ERMP1: variants seen among roughly 807,000 people sequenced by gnomAD.
ERMP1 encodes endoplasmic reticulum metallopeptidase 1.
Under a neutral mutation model 92.0 loss-of-function variants are expected in ERMP1, and 86 were observed. The ratio of observed to expected loss-of-function variants is 0.93; its 90% CI spans 0.79 to 1.12. The LOEUF (loss-of-function observed/expected upper bound fraction) is 1.12. Among genes scored for constraint, ERMP1 ranks in the 50% most tolerant of loss-of-function variants. The pLI is 0.00. For missense variants in ERMP1, 1,342 were observed against 1,116.3 expected (o/e 1.20, Z -2.88); for synonymous variants, 530 against 412.8 (o/e 1.28, Z -3.44).
intron 6 of ERMP1, among the ~76,000 whole-genome samples, chr9:5,846,348 T>G (rs969616801): frequency 2.0e-5 from 3 of 152,130 alleles, no homozygotes; most frequent in African/African-American, 7.2e-5. Context: ...AAATCCTAGC[T>G]CTGCTACTAA....
At position 5,787,618 on chromosome 9, in the gene ERMP1, C is replaced by T. The variant is rs564559230; in HGVS notation, c.2387-25G>A. 8.2e-6 allele frequency: 13 copies of T among 1,591,176 alleles called. No individual in the cohort carries two copies. In the East Asian group the frequency reaches 2.9e-4, roughly 36 times the overall value. On this transcript the variant is annotated intron_variant, in intron 13 of 14. Transcript: ENST00000339450. ...CCTGTAAGGTAAAAGGAAGAAAGAA[C>T]AGTTAATCTTTTTAAAAGGATCAAA...
intron 13 of ERMP1, among the ~76,000 whole-genome samples, chr9:5,790,500 T>C (rs1828143754): frequency 6.6e-6 from 1 of 152,220 alleles, no homozygotes. Context: ...CAATTTCAAC[T>C]TGGCTTACAA....
intron 5 of ERMP1, among the ~76,000 whole-genome samples, chr9:5,865,128 G>C (rs1830613002): frequency 8.9e-6 from 1 of 112,474 alleles, no homozygotes; most frequent in Non-Finnish European, 1.8e-5. Flanking sequence ...CAGGACATAG[G>C]AAAATGTTCC....
At chr9:5,834,701 A>ATGTGTGTG (rs1461362378), upstream of ERMP1, among the ~76,000 whole-genome samples, 950 of 62,720 alleles carry the variant, frequency 0.015, 17 homozygotes, top group African/African-American at 0.032. Context: ...ATGTATGTAT[A>ATGTGTGTG]TATGTGTGTG....
In ERMP1 at chr9:5,832,622, G is replaced by A. The variant is rs540951700; in HGVS notation, c.338+68C>T. The A allele has an allele frequency of 5.6e-4, 703 of 1,248,032 alleles. 3 individuals carry two copies. In the Middle Eastern group the frequency reaches 9.2e-3, roughly 16 times the overall value. The allele number at this position is 1,248,032 out of a possible 1,614,324, so 77.3% of individuals were successfully genotyped here. A position where few individuals can be genotyped will look rare whatever the true frequency, so the allele number is the denominator to read the frequency against. On this transcript the variant is annotated intron_variant, in intron 1 of 14. Coordinates refer to ENST00000339450, the MANE Select transcript of ERMP1 (RefSeq NM_024896.3). The stretch of plus-strand genomic sequence containing the variant: ...GCAGGGGCGGGTGCACACAGGTGCG[G>A]TGCCCCGGAGCCTGCGCAGGAGCCG...
intron 6 of ERMP1, among the ~76,000 whole-genome samples, chr9:5,841,965 A>G (rs1481248643): frequency 6.6e-6 from 1 of 152,128 alleles, no homozygotes; most frequent in East Asian, 1.9e-4. Context: ...GCGCATCCGG[A>G]GTTGTTTTTT....
At chr9:5,810,265 A>AT in intron 7 of ERMP1, 34 bp from the exon 8 acceptor site, 5 of 1,505,332 alleles carry the variant, frequency 3.3e-6, no homozygotes, top group Non-Finnish European at 4.6e-6. Context: ...TGAAATCACC[A>AT]TCTTCATCAA....
chr9:5,790,734 A>G (rs1170779587), intron 13 of ERMP1, among the ~76,000 whole-genome samples: 2 of 152,250 alleles, frequency 1.3e-5, no homozygotes, highest in African/African-American at 2.4e-5. Flanking sequence ...GTGAATATCT[A>G]TGCATCAGAT....
chr9:5,846,990 C>G (rs1041575003), intron 6 of ERMP1, among the ~76,000 whole-genome samples: 1 of 152,124 alleles, frequency 6.6e-6, no homozygotes, highest in Non-Finnish European at 1.5e-5. Context: ...GGTGCGATGG[C>G]CTCCCCCAAC....
chr9:5,822,143 T>C (rs751044762), intron 4 of ERMP1, among the ~76,000 whole-genome samples: 1 of 152,072 alleles, frequency 6.6e-6, no homozygotes. Context: ...TCCCAGCTAC[T>C]TGGGAAGCTG....
intron 6 of ERMP1, among the ~76,000 whole-genome samples, chr9:5,857,544 T>C (rs1348783510): frequency 6.6e-6 from 1 of 152,254 alleles, no homozygotes; most frequent in Non-Finnish European, 1.5e-5. Flanking sequence ...GAGCATCTAC[T>C]ATACCTAGAC....
rs1189095794 is a variant in ERMP1, at chr9:5,786,180, T to C, written c.*964A>G. 1 of 152,182 alleles carries C rather than the reference T, an allele frequency of 6.6e-6. No individual in the cohort carries two copies. The highest frequency in any genetic ancestry group is 1.5e-5 in the Non-Finnish European group (1 of 68,038). The allele number at this position is 152,182 out of a possible 1,614,324, so 9.4% of individuals were successfully genotyped here. A position where few individuals can be genotyped will look rare whatever the true frequency, so the allele number is the denominator to read the frequency against. On this transcript the variant is annotated 3_prime_UTR_variant, in exon 15 of 15. Transcript: ENST00000339450. The stretch of plus-strand genomic sequence containing the variant: ...TAGGCCCAGTGCATCAGTAAGATTA[T>C]ACCATGAAGGACTAACCTTGTATAA...
chr9:5,812,530 G>A (rs905025860), intron 5 of ERMP1, among the ~76,000 whole-genome samples: 6 of 152,134 alleles, frequency 3.9e-5, no homozygotes, highest in Admixed American at 3.9e-4. Flanking sequence ...TTCTTGCCAG[G>A]CCAGAGCCAA....
intron 6 of ERMP1, among the ~76,000 whole-genome samples, chr9:5,844,570 G>C (rs1419400374): frequency 6.6e-6 from 1 of 152,130 alleles, no homozygotes; most frequent in Non-Finnish European, 1.5e-5. Context: ...CACCACGCCT[G>C]GCCCTAGCAG....
At chr9:5,805,540 G>GA (rs1828837176) in intron 9 of ERMP1, 71 bp downstream of exon 9, 1 of 1,369,668 alleles carries the variant, frequency 7.3e-7, no homozygotes, top group Non-Finnish European at 9.7e-7. Flanking sequence ...AACCAAAAAA[G>GA]AAAGAGTCCC....
chr9:5,796,526 C>G (rs543905128), intron 13 of ERMP1, among the ~76,000 whole-genome samples: 4 of 152,294 alleles, frequency 2.6e-5, no homozygotes, highest in African/African-American at 9.6e-5. Flanking sequence ...TACATCTACA[C>G]AACGGACTAT....
At chr9:5,865,317 T>C (rs1000396451) in intron 5 of ERMP1, among the ~76,000 whole-genome samples, 1 of 149,832 alleles carries the variant, frequency 6.7e-6, no homozygotes, top group Non-Finnish European at 1.5e-5. Context: ...CCATCCTGGA[T>C]TAACACGGTG....
intron 6 of ERMP1, among the ~76,000 whole-genome samples, chr9:5,840,282 AG>A (rs1429266669): frequency 1.3e-5 from 2 of 152,124 alleles, no homozygotes; most frequent in Non-Finnish European, 2.9e-5. Flanking sequence ...AACGGAAGGA[AG>A]GGAGGAAGGG....
At chr9:5,830,383 TA>T (rs1405216491) in intron 2 of ERMP1, among the ~76,000 whole-genome samples, 3 of 152,206 alleles carry the variant, frequency 2.0e-5, no homozygotes, top group East Asian at 3.9e-4. Context: ...CCCAGCTGAG[TA>T]AAACACTTTC....
Sources: gnomAD v4.1 joint callset for allele counts (sites outside exome capture counted in the v4.1 genomes callset) on GRCh38, gnomAD v4.1.1 for gene constraint, MANE v1.5 for transcripts, NCBI Gene and HGNC (gene_info 2026-07-23, HGNC 2026-07-21) for gene names.